COL21A1: variants seen among roughly 807,000 people sequenced by gnomAD.
The protein encoded by COL21A1 is collagen alpha-1(XXI) chain.
In COL21A1, 149 loss-of-function variants were observed where a neutral mutation model predicts 137.9. The ratio of observed to expected loss-of-function variants is 1.08; its 90% CI spans 0.95 to 1.24. The LOEUF (loss-of-function observed/expected upper bound fraction) is 1.24, where lower values mean the gene tolerates loss of function less well. COL21A1 is among the 50% of genes most tolerant of loss of function. COL21A1 has a pLI of 0.00. For missense variants in COL21A1, 1,167 were observed against 1,158.4 expected (o/e 1.01, Z -0.11); for synonymous variants, 456 against 391.5 (o/e 1.16, Z -1.95).
At chr6:56,070,034 G>C (rs1254537715) in intron 21 of COL21A1, among the ~76,000 whole-genome samples, 1 of 151,254 alleles carries the variant, frequency 6.6e-6, no homozygotes, top group Admixed American at 6.6e-5. Flanking sequence ...AAAGTTTTTT[G>C]TTTTAAAGTC....
chr6:56,316,476 A>AATT (rs776151498), intron 1 of COL21A1, among the ~76,000 whole-genome samples: 1 of 30,358 alleles, frequency 3.3e-5, no homozygotes, highest in Non-Finnish European at 8.1e-5. Flanking sequence ...TTCTAAATAG[A>AATT]CTTTTTTTTT....
intron 1 of COL21A1, among the ~76,000 whole-genome samples, chr6:56,367,311 C>T (rs530296739): frequency 6.6e-6 from 1 of 152,260 alleles, no homozygotes; most frequent in African/African-American, 2.4e-5. Flanking sequence ...CTATGTGATC[C>T]AAGTCTAAAC....
intron 1 of COL21A1, among the ~76,000 whole-genome samples, chr6:56,306,705 T>A (rs1764468751): frequency 2.0e-5 from 3 of 152,178 alleles, no homozygotes; most frequent in Admixed American, 2.0e-4. Flanking sequence ...AGTAGTTTGA[T>A]CATCTGAAGC....
At chr6:56,165,755 A>T (rs1776521750) in intron 7 of COL21A1, among the ~76,000 whole-genome samples, 4 of 152,198 alleles carry the variant, frequency 2.6e-5, no homozygotes, top group Admixed American at 2.6e-4. Flanking sequence ...GGAAAAAAGA[A>T]GATGATGACA....
chr6:56,140,984 A>T (rs1186418163), intron 12 of COL21A1, among the ~76,000 whole-genome samples: 1 of 152,208 alleles, frequency 6.6e-6, no homozygotes, highest in Non-Finnish European at 1.5e-5. Flanking sequence ...TAGTAGAATT[A>T]TAGTTATTCT....
At chr6:56,386,260 T>C (rs1034233496) in intron 1 of COL21A1, among the ~76,000 whole-genome samples, 1 of 152,240 alleles carries the variant, frequency 6.6e-6, no homozygotes, top group African/African-American at 2.4e-5. Context: ...CATTCCTTTT[T>C]ATGGCTGAAT....
At chr6:56,256,898 T>C (rs11966534) in intron 1 of COL21A1, among the ~76,000 whole-genome samples, 2,803 of 152,206 alleles carry the variant, frequency 0.018, 94 homozygotes, top group African/African-American at 0.065. Flanking sequence ...AATTTATCCA[T>C]AATCAATCAT....
At chr6:56,159,284 T>C (rs879555141) in intron 9 of COL21A1, among the ~76,000 whole-genome samples, 2 of 152,154 alleles carry the variant, frequency 1.3e-5, no homozygotes, top group African/African-American at 2.4e-5. Flanking sequence ...TTTCCCTTGG[T>C]TAGTCTTCAT....
chr6:56,266,979 T>C (rs1467217540), intron 1 of COL21A1, among the ~76,000 whole-genome samples: 1 of 152,220 alleles, frequency 6.6e-6, no homozygotes, highest in Non-Finnish European at 1.5e-5. Flanking sequence ...TTAAATCCTG[T>C]TAACTTAAGC....
intron 23 of COL21A1, among the ~76,000 whole-genome samples, chr6:56,065,623 A>G (rs1766175549): frequency 6.6e-6 from 1 of 151,924 alleles, no homozygotes; most frequent in Non-Finnish European, 1.5e-5. Context: ...GAGGTAGCCA[A>G]TTGGAGAAAG....
At position 56,168,170 on chromosome 6, in the gene COL21A1, C is replaced by G; in HGVS notation, c.1154G>C (p.Gly385Ala). ...AGAATATTTTCCAATTTGGGTTTGC[C>G]CATTGATCAAGATCCCTAAAACTGG... ...LHPVLGILIN[G>A]QTQIGKYSGK... Residue 385 changes from glycine (G) to alanine (A), a missense_variant, in exon 6 of 30, where the codon GGG becomes GCG. Coordinates refer to ENST00000244728, the MANE Select transcript of COL21A1 (RefSeq NM_030820.4). The G allele has an allele frequency of 6.5e-7, 1 of 1,543,014 alleles. No homozygotes were observed. Among genetic ancestry groups the G allele is most frequent in the South Asian group, 1.3e-5 (1 of 79,306 alleles).
intron 10 of COL21A1, among the ~76,000 whole-genome samples, chr6:56,150,377 G>T (rs1368017375): frequency 6.6e-6 from 1 of 152,138 alleles, no homozygotes; most frequent in African/African-American, 2.4e-5. Context: ...AATTAGCAGG[G>T]CGTGGTGGCG....
At position 56,263,528 on chromosome 6, in the gene COL21A1, G is replaced by C. The variant is rs147020768; in HGVS notation, c.-38-80872C>G. 5.9e-3 allele frequency among the ~76,000 whole-genome samples: 898 copies of C among 152,228 alleles called. 8 individuals are homozygous for C. The highest frequency in any genetic ancestry group is 0.02 in the African/African-American group (843 of 41,532). ...GCGTTGGAAGCTTGCCATCTTCAAG[G>C]TGAAAAAGATGCCTAAGCTGAAGAG... is the stretch of plus-strand genomic sequence containing the variant. On this transcript the variant is annotated intron_variant, in intron 1 of 28. Coordinates refer to the COL21A1 transcript ENST00000370819.
chr6:56,164,926 A>G, intron 7 of COL21A1, 104 bp from the exon 8 acceptor site: 1 of 972,788 alleles, frequency 1.0e-6, no homozygotes, highest in Non-Finnish European at 1.5e-6. Context: ...AGATATATGA[A>G]GTATGAAAAC....
intron 1 of COL21A1, among the ~76,000 whole-genome samples, chr6:56,356,402 C>A (rs1765830913): frequency 6.6e-6 from 1 of 152,120 alleles, no homozygotes; most frequent in South Asian, 2.1e-4. Context: ...GGCCTCTACC[C>A]ACTATATGTC....
intron 1 of COL21A1, among the ~76,000 whole-genome samples, chr6:56,386,330 T>C (rs967643446): frequency 2.0e-5 from 3 of 152,224 alleles, no homozygotes; most frequent in Non-Finnish European, 4.4e-5. Flanking sequence ...TGATGAACAT[T>C]TGGGTTGTTT....
intron 17 of COL21A1, among the ~76,000 whole-genome samples, chr6:56,089,669 T>G (rs990264053): frequency 2.0e-5 from 3 of 152,184 alleles, no homozygotes; most frequent in Non-Finnish European, 4.4e-5. Context: ...TTTCCTCTCA[T>G]CCATTCTCTT....
intron 17 of COL21A1, among the ~76,000 whole-genome samples, chr6:56,088,580 T>C (rs897392381): frequency 2.0e-5 from 3 of 152,080 alleles, no homozygotes; most frequent in Admixed American, 2.0e-4. Flanking sequence ...CACTGTATTA[T>C]CTCAAAATGG....
intron 1 of COL21A1, among the ~76,000 whole-genome samples, chr6:56,229,109 G>C (rs929027718): frequency 6.6e-6 from 1 of 151,886 alleles, no homozygotes; most frequent in Non-Finnish European, 1.5e-5. Flanking sequence ...GGCTGGGTAT[G>C]ATGGCTCACA....
Sources: allele counts gnomAD v4.1 joint callset (sites outside exome capture counted in the v4.1 genomes callset), GRCh38; gene constraint gnomAD v4.1.1; transcripts MANE v1.5; gene names NCBI Gene and HGNC (gene_info 2026-07-23, HGNC 2026-07-21).